CACNA2D2: variants seen among roughly 807,000 people sequenced by gnomAD.
The protein encoded by CACNA2D2 is voltage-dependent calcium channel subunit alpha-2/delta-2.
In CACNA2D2, 48 loss-of-function variants were observed where a neutral mutation model predicts 166.4. That is an observed-to-expected ratio of 0.29 (90% CI 0.23 to 0.37). CACNA2D2 has a LOEUF of 0.37. Among genes scored for constraint, CACNA2D2 ranks in the 10% least tolerant of loss-of-function variants. The pLI is 1.00. For synonymous variants in CACNA2D2, 561 were observed against 573.7 expected, an observed-to-expected ratio of 0.98 and a Z score of 0.32; for missense variants, 1,122 against 1,433.0, an observed-to-expected ratio of 0.78 and a Z score of 3.50.
intron 1 of CACNA2D2, among the ~76,000 whole-genome samples, chr3:50,476,488 T>C (rs1248948785): frequency 6.6e-6 from 1 of 152,196 alleles, no homozygotes; most frequent in East Asian, 1.9e-4. Flanking sequence ...GTGAGGCTAC[T>C]TTTCATTGTG....
At chr3:50,409,062 C>T (rs920179416) in intron 3 of CACNA2D2, among the ~76,000 whole-genome samples, 1 of 152,124 alleles carries the variant, frequency 6.6e-6, no homozygotes, top group African/African-American at 2.4e-5. Flanking sequence ...GAGGGAGAGA[C>T]CCTTCTAGTG....
intron 4 of CACNA2D2, among the ~76,000 whole-genome samples, chr3:50,390,960 G>A (rs111776796): frequency 0.011 from 1,752 of 152,356 alleles, 33 homozygotes; most frequent in African/African-American, 0.039. Flanking sequence ...CAGTGAGGAC[G>A]CTTGGCCTTC....
chr3:50,488,155 C>T (rs1052495182), intron 1 of CACNA2D2, among the ~76,000 whole-genome samples: 2 of 152,150 alleles, frequency 1.3e-5, no homozygotes, highest in Non-Finnish European at 2.9e-5. Context: ...ATATGCAAGG[C>T]CCAGCAGTGG....
chr3:50,365,607 G>A lies in CACNA2D2; in HGVS notation c.2971+26C>T, dbSNP rs1487454512. On this transcript the variant is annotated intron_variant, in intron 34 of 37. Coordinates refer to ENST00000424201, the MANE Select transcript of CACNA2D2 (RefSeq NM_006030.4). This position sits in a 1 kb window ranked among gnomAD's most constrained non-coding sequence, Gnocchi z 4.5. ...GCTCAGATTGGGGACCCGGACTTGA[G>A]GAGGCGCCTCCAAAGCCCTACCTAC... The A allele has an allele frequency of 3.2e-6, 5 of 1,573,036 alleles. No homozygotes were observed. The Admixed American group carries it at 9.5e-5, about 30-fold the overall frequency.
Position 50,366,377 on chromosome 3 carries a change from TG to T in CACNA2D2, c.2638-40del. On this transcript the variant is annotated intron_variant, in intron 30 of 37. Coordinates refer to ENST00000424201, the MANE Select transcript of CACNA2D2 (RefSeq NM_006030.4). The surrounding 1 kb of genome is among the most constrained non-coding windows in gnomAD (Gnocchi z 5.9). ...AATGGGGAGGAAAATGGAGAGGGGC[TG>T]GGCCCCGGACCTTCCACCGCAGGCA... is the stretch of plus-strand genomic sequence containing the variant. 6.2e-7 allele frequency: 1 copy of T among 1,603,328 alleles called. No individual in the cohort carries two copies. Among genetic ancestry groups the T allele is most frequent in the South Asian group, 1.1e-5 (1 of 90,852 alleles).
chr3:50,367,342 A>T lies in CACNA2D2; in HGVS notation c.2401+52T>A, dbSNP rs1704369735. The T allele has an allele frequency of 6.6e-7, 1 of 1,512,690 alleles. No individual in the cohort carries two copies. The highest frequency in any genetic ancestry group is 9.2e-7 in the Non-Finnish European group (1 of 1,091,418). The allele number at this position is 1,512,690 out of a possible 1,614,324, so 93.7% of individuals were successfully genotyped here. A position where few individuals can be genotyped will look rare whatever the true frequency, so the allele number is the denominator to read the frequency against. Reference sequence around the variant, plus strand: ...AGAGCCCAGTTCTGGCTGAGCAGACAGGGAAGCTGAGGCTCCCTGCCTGCT... The same window carrying T: ...AGAGCCCAGTTCTGGCTGAGCAGACTGGGAAGCTGAGGCTCCCTGCCTGCT... On this transcript the variant is annotated intron_variant, in intron 27 of 37. Coordinates refer to ENST00000424201, the MANE Select transcript of CACNA2D2 (RefSeq NM_006030.4). This position sits in a 1 kb window ranked among gnomAD's most constrained non-coding sequence, Gnocchi z 6.5.
At position 50,365,228 on chromosome 3, in the gene CACNA2D2, C is replaced by G. The variant is rs1559871043; in HGVS notation, c.3099-44G>C. ...GGCGGGGCGTTGAGTTTGCCCCGCC[C>G]TGACCCACCCCCATCCTGCGGCCCC... On this transcript the variant is annotated intron_variant, in intron 35 of 37. Transcript: ENST00000424201. The surrounding 1 kb of genome is among the most constrained non-coding windows in gnomAD (Gnocchi z 4.5). 6.4e-7 allele frequency: 1 copy of G among 1,551,260 alleles called. No homozygotes were observed. Among genetic ancestry groups the G allele is most frequent in the Non-Finnish European group, 8.8e-7 (1 of 1,132,342 alleles).
intron 1 of CACNA2D2, among the ~76,000 whole-genome samples, chr3:50,500,783 C>T (rs1357806687): frequency 1.7e-5 from 2 of 120,436 alleles, no homozygotes; most frequent in South Asian, 3.0e-4. Context: ...AACCCTGAAG[C>T]CCTGTCCTCC....
intron 1 of CACNA2D2, among the ~76,000 whole-genome samples, chr3:50,499,295 C>T (rs546125174): frequency 9.2e-5 from 14 of 152,272 alleles, no homozygotes; most frequent in Admixed American, 3.9e-4. Context: ...GAGAGACAGG[C>T]GGCCACCTAG....
intron 3 of CACNA2D2, among the ~76,000 whole-genome samples, chr3:50,411,821 G>A (rs1447953960): frequency 6.6e-6 from 1 of 152,168 alleles, no homozygotes; most frequent in African/African-American, 2.4e-5. Flanking sequence ...CTCTGCCTGT[G>A]GCCCCTGGGA....
rs1268515413 is a variant in CACNA2D2, at chr3:50,376,549, CCT to C, written c.1627-363_1627-362del. ...TGGCCCTCCTCTAGCCACTACTGCC[CCT>C]GATTTGTGCCTCCTCCTTGTCCCCA... On this transcript the variant is annotated intron_variant, in intron 17 of 37. Transcript: ENST00000424201. The surrounding 1 kb of genome is among the most constrained non-coding windows in gnomAD (Gnocchi z 4.3). 1.3e-5 allele frequency among the ~76,000 whole-genome samples: 2 copies of C among 152,200 alleles called. No homozygotes were observed. The highest frequency in any genetic ancestry group is 2.9e-5 in the Non-Finnish European group (2 of 68,038).
At position 50,364,321 on chromosome 3, in the gene CACNA2D2, C is replaced by T. The variant is rs962115564; in HGVS notation, c.*345G>A. 2.0e-5 allele frequency: 6 copies of T among 302,714 alleles called. No individual in the cohort carries two copies. Among genetic ancestry groups the T allele is most frequent in the Non-Finnish European group, 3.1e-5 (5 of 163,490 alleles). The allele number at this position is 302,714 out of a possible 1,614,324, so 18.8% of individuals were successfully genotyped here. ...CGGGTCAGCTGAGGCAGGGTCCCCC[C>T]CAACATAGGCAGCCTCCAGGAAGGG... is the stretch of plus-strand genomic sequence containing the variant. On this transcript the variant is annotated 3_prime_UTR_variant, in exon 38 of 38. Coordinates refer to ENST00000424201, the MANE Select transcript of CACNA2D2 (RefSeq NM_006030.4).
chr3:50,374,946 C>T (rs1228310117), intron 21 of CACNA2D2, 133 bp from the exon 22 acceptor site: 1 of 740,668 alleles, frequency 1.4e-6, no homozygotes, highest in African/African-American at 1.7e-5. Flanking sequence ...ACCCCTCTCC[C>T]CGCTTAGCTG....
chr3:50,451,074 C>T (rs1709076392), intron 2 of CACNA2D2, among the ~76,000 whole-genome samples: 1 of 152,188 alleles, frequency 6.6e-6, no homozygotes, highest in South Asian at 2.1e-4. Context: ...TTAGTGCCCC[C>T]TCCATGGACA....
intron 23 of CACNA2D2, 68 bp downstream of exon 23, chr3:50,370,252 G>T: frequency 9.5e-7 from 1 of 1,056,772 alleles, no homozygotes; most frequent in Non-Finnish European, 1.4e-6. Flanking sequence ...CCAGGCAGCA[G>T]TGCAGGAGGT....
intron 1 of CACNA2D2, among the ~76,000 whole-genome samples, chr3:50,478,675 G>A (rs943050722): frequency 2.0e-5 from 3 of 152,222 alleles, no homozygotes; most frequent in African/African-American, 7.2e-5. Context: ...ACCTGTACAA[G>A]GTCACCTATC....
At chr3:50,487,137 C>G (rs1186346326) in intron 1 of CACNA2D2, among the ~76,000 whole-genome samples, 1 of 152,190 alleles carries the variant, frequency 6.6e-6, no homozygotes, top group South Asian at 2.1e-4. Context: ...CAATCTGAAC[C>G]CAGTCAACTC....
chr3:50,495,006 C>T (rs1698666733), intron 1 of CACNA2D2, among the ~76,000 whole-genome samples: 1 of 152,194 alleles, frequency 6.6e-6, no homozygotes, highest in African/African-American at 2.4e-5. Context: ...AACAGCTGTA[C>T]ATCAGTGCGA....
chr3:50,455,547 A>G (rs957447227), intron 2 of CACNA2D2, among the ~76,000 whole-genome samples: 2 of 152,206 alleles, frequency 1.3e-5, no homozygotes, highest in Non-Finnish European at 2.9e-5. Context: ...ATAATTAGAA[A>G]ATAAATTACT....
Sources: allele counts gnomAD v4.1 joint callset (sites outside exome capture counted in the v4.1 genomes callset), GRCh38; gene constraint gnomAD v4.1.1; non-coding constraint Gnocchi (gnomAD v3.1); transcripts MANE v1.5; gene names NCBI Gene and HGNC (gene_info 2026-07-23, HGNC 2026-07-21).